Variants in OLFM3 observed in about 807,000 individuals in gnomAD.
OLFM3 encodes olfactomedin 3.
A neutral mutation model predicts 48.6 loss-of-function variants in OLFM3; 20 were observed. That is an observed-to-expected ratio of 0.41 (90% CI 0.29 to 0.60). The LOEUF is 0.60. Among genes scored for constraint, OLFM3 ranks in the 20% least tolerant of loss-of-function variants. The pLI is 0.28. For synonymous variants in OLFM3, 222 were observed against 198.1 expected, an observed-to-expected ratio of 1.12 and a Z score of -1.01; for missense variants, 437 against 544.3, an observed-to-expected ratio of 0.80 and a Z score of 1.96.
At position 101,937,451 on chromosome 1, in the gene OLFM3, C is replaced by A. The variant is rs190343623; in HGVS notation, c.69+59297G>T. 4.7e-4 allele frequency among the ~76,000 whole-genome samples: 71 copies of A among 152,248 alleles called. No homozygotes were observed. The East Asian group carries it at 0.013, about 28-fold the overall frequency. On this transcript the variant is annotated intron_variant, in intron 1 of 5. Transcript: ENST00000370103. ...TTAATTCCCACATGTTGTGGGAGGG[C>A]CCCGGTGGGAGGTAATTGAATCATG...
intron 1 of OLFM3, chr1:101,893,323 A>G: frequency 2.7e-6 from 1 of 377,310 alleles, no homozygotes; most frequent in Admixed American, 2.9e-5. Flanking sequence ...TTCATCAGAT[A>G]GAACCCGGAA....
At chr1:101,814,353 C>CAGAAAGAATAAA (rs1654226984) in intron 4 of OLFM3, among the ~76,000 whole-genome samples, 1 of 151,082 alleles carries the variant, frequency 6.6e-6, no homozygotes, top group Non-Finnish European at 1.5e-5. Flanking sequence ...TCTGGTGAAG[C>CAGAAAGAATAAA]TTACATTTTG....
At chr1:101,875,071 A>G (rs769195742) in intron 1 of OLFM3, among the ~76,000 whole-genome samples, 17 of 152,020 alleles carry the variant, frequency 1.1e-4, no homozygotes, top group Non-Finnish European at 2.2e-4. Context: ...CCATTGAAAG[A>G]TATTAGTTTA....
intron 1 of OLFM3, among the ~76,000 whole-genome samples, chr1:101,973,844 T>A (rs1660875756): frequency 6.6e-6 from 1 of 152,180 alleles, no homozygotes; most frequent in Non-Finnish European, 1.5e-5. Context: ...ATTTTTCATT[T>A]TTTTCTAAAG....
At chr1:101,964,537 T>C (rs753286919) in intron 1 of OLFM3, among the ~76,000 whole-genome samples, 4 of 152,212 alleles carry the variant, frequency 2.6e-5, no homozygotes, top group Non-Finnish European at 5.9e-5. Context: ...TTCTGTTGAT[T>C]AGCTATGTAG....
chr1:101,847,116 G>A (rs1656035668), intron 1 of OLFM3: 1 of 1,307,156 alleles, frequency 7.7e-7, no homozygotes, highest in Non-Finnish European at 9.9e-7. Flanking sequence ...GGAAAGCTTC[G>A]GAACCTCCTT....
At chr1:101,883,975 T>G (rs1209214811) in intron 1 of OLFM3, among the ~76,000 whole-genome samples, 2 of 151,944 alleles carry the variant, frequency 1.3e-5, no homozygotes, top group Non-Finnish European at 2.9e-5. Context: ...TTCTCATCTT[T>G]TAAGCCACTA....
chr1:101,926,392 A>G (rs1659271302), intron 1 of OLFM3, among the ~76,000 whole-genome samples: 1 of 152,134 alleles, frequency 6.6e-6, no homozygotes, highest in Non-Finnish European at 1.5e-5. Context: ...AGCCATTTCT[A>G]CTTATCTAGG....
chr1:101,887,807 C>A (rs929610025), intron 1 of OLFM3, among the ~76,000 whole-genome samples: 4 of 151,700 alleles, frequency 2.6e-5, no homozygotes, highest in Non-Finnish European at 4.4e-5. Context: ...ACAAATCCCA[C>A]AGCTGAGCAC....
chr1:101,977,633 G>C lies in OLFM3; in HGVS notation c.69+19115C>G, dbSNP rs553332852. Among the ~76,000 whole-genome samples the C allele has an allele frequency of 2.6e-5, 4 of 152,254 alleles. No individual in the cohort carries two copies. In the East Asian group the frequency reaches 5.8e-4, roughly 22 times the overall value. On this transcript the variant is annotated intron_variant, in intron 1 of 5. Coordinates refer to ENST00000370103, the MANE Select transcript of OLFM3 (RefSeq NM_058170.4). ...AAAAGAACAGAGATGATCTGTAAGT[G>C]AGTAAAGACAGAATATTTAAAATGG...
intron 2 of OLFM3, among the ~76,000 whole-genome samples, chr1:101,835,926 G>A (rs910830617): frequency 5.9e-5 from 9 of 152,170 alleles, no homozygotes; most frequent in African/African-American, 1.9e-4. Context: ...CACCATGGCA[G>A]CCTGAAATTG....
chr1:101,843,786 A>G, intron 1 of OLFM3, among the ~76,000 whole-genome samples: 1 of 152,176 alleles, frequency 6.6e-6, no homozygotes, highest in East Asian at 1.9e-4. Context: ...TTTCCAGGTC[A>G]TTTGAAACTA....
chr1:101,861,247 A>G (rs890934148), intron 1 of OLFM3, among the ~76,000 whole-genome samples: 1 of 151,956 alleles, frequency 6.6e-6, no homozygotes, highest in African/African-American at 2.4e-5. Context: ...TTTTTAGTAG[A>G]GACAGGGTTT....
intron 1 of OLFM3, among the ~76,000 whole-genome samples, chr1:101,922,157 T>C (rs556272809): frequency 6.6e-6 from 1 of 152,336 alleles, no homozygotes; most frequent in Admixed American, 6.5e-5. Context: ...ACTCCATTTC[T>C]TGTGAGTTGT....
intron 1 of OLFM3, among the ~76,000 whole-genome samples, chr1:101,843,185 T>G (rs564572605): frequency 6.6e-6 from 1 of 152,216 alleles, no homozygotes; most frequent in Non-Finnish European, 1.5e-5. Flanking sequence ...AAGTAGTTAT[T>G]CATGAGGAGA....
chr1:101,891,508 C>G (rs968323412), intron 1 of OLFM3, among the ~76,000 whole-genome samples: 1 of 151,838 alleles, frequency 6.6e-6, no homozygotes, highest in Non-Finnish European at 1.5e-5. Context: ...CACTATTACT[C>G]ATAAGAAGCA....
intron 1 of OLFM3, among the ~76,000 whole-genome samples, chr1:101,914,432 C>T (rs1658860347): frequency 6.6e-6 from 1 of 152,154 alleles, no homozygotes; most frequent in African/African-American, 2.4e-5. Context: ...CTCAGCATTG[C>T]TTTTTAGATG....
chr1:101,863,268 C>A (rs2100966043), intron 1 of OLFM3, among the ~76,000 whole-genome samples: 1 of 152,314 alleles, frequency 6.6e-6, no homozygotes, highest in South Asian at 2.1e-4. Flanking sequence ...GCCAGTGTGC[C>A]TGGCCAGTAG....
chr1:101,804,274 G>A lies in OLFM3; in HGVS notation c.1341C>T (p.Thr447=). 2 of 1,606,478 alleles carry A rather than the reference G, an allele frequency of 1.2e-6. No homozygotes were observed. The highest frequency in any genetic ancestry group is 1.7e-6 in the Non-Finnish European group (2 of 1,176,164). ...NNGHQVLFNV[T]LFHIIKTEDD... is the part of the protein sequence containing the mutation. ...CCTCTGTCTTGATGATATGGAAAAG[G>A]GTGACATTGAACAGCACCTGGTGGC... Residue 447 remains threonine (T), a synonymous_variant, in exon 6 of 6, where the codon ACC becomes ACT. Coordinates refer to ENST00000370103, the MANE Select transcript of OLFM3 (RefSeq NM_058170.4). This position sits in a 1 kb window ranked among gnomAD's most constrained non-coding sequence, Gnocchi z 4.5.
Sources: gnomAD v4.1 joint callset for allele counts (sites outside exome capture counted in the v4.1 genomes callset) on GRCh38, gnomAD v4.1.1 for gene constraint, Gnocchi (gnomAD v3.1) non-coding constraint, MANE v1.5 for transcripts, NCBI Gene and HGNC (gene_info 2026-07-23, HGNC 2026-07-21) for gene names.